The following RAG1 variants were observed in gnomAD, a reference collection of about 807,000 sequenced individuals.
The protein encoded by RAG1 is recombination activating 1.
In RAG1, 35 loss-of-function variants were observed where a neutral mutation model predicts 62.7. The observed-to-expected ratio is 0.56, with a 90% confidence interval of 0.43 to 0.74. RAG1 has a LOEUF of 0.74. Ranked by LOEUF, RAG1 falls within the 30% of genes least tolerant of loss-of-function variation. RAG1 has a pLI of 0.00. For missense variants in RAG1, 1,169 were observed against 1,278.6 expected (o/e 0.91, Z 1.31); for synonymous variants, 461 against 470.3 (o/e 0.98, Z 0.26).
intron 1 of RAG1, among the ~76,000 whole-genome samples, chr11:36,515,753 C>T (rs1281214151): frequency 6.6e-6 from 1 of 152,136 alleles, no homozygotes; most frequent in Admixed American, 6.6e-5. Context: ...TTTGGAGATG[C>T]ACCTTTGGTT....
rs368279695 is a variant in RAG1, at chr11:36,574,080, G to A, written c.776G>A (p.Ser259Asn). 3.1e-6 allele frequency: 5 copies of A among 1,614,180 alleles called. No homozygotes were observed. In the South Asian group the frequency reaches 5.5e-5, roughly 18 times the overall value. ...HKRRAQARIS[S>N]KDVMKKIANC... ...AGAAGAGCTCAGGCAAGGATCAGCA[G>A]CAAGGATGTCATGAAGAAGATCGCC... Residue 259 changes from serine to asparagine, a missense_variant, in exon 2 of 2, where the codon AGC becomes AAC. Physicochemically the swap from Ser to Asn is conservative, Grantham distance 46. Transcript: ENST00000299440.
rs1274802012 is a variant in RAG1 at position 36,579,180 on chromosome 11, G to A, written c.*2744G>A. Reference sequence around the variant, plus strand: ...GAAGAAGATAAAGATTTTTTTGGTTGAGAGTGTGGGTCTTGCATTACATCA... The same window carrying A: ...GAAGAAGATAAAGATTTTTTTGGTTAAGAGTGTGGGTCTTGCATTACATCA... On this transcript the variant is annotated 3_prime_UTR_variant, in exon 2 of 2. Coordinates refer to ENST00000299440, the MANE Select transcript of RAG1 (RefSeq NM_000448.3). 1 of 167,028 alleles carries A rather than the reference G, an allele frequency of 6.0e-6. No homozygotes were observed. Among genetic ancestry groups the A allele is most frequent in the African/African-American group, 2.4e-5 (1 of 41,444 alleles). 10.3% of individuals were successfully genotyped at this position (167,028 alleles called of 1,614,324 possible).
intron 3 of RAG1, among the ~76,000 whole-genome samples, chr11:36,558,477 C>T (rs1564983811): frequency 6.6e-6 from 1 of 152,130 alleles, no homozygotes; most frequent in South Asian, 2.1e-4. Context: ...AATTCACAAT[C>T]GTTGTATCCT....
rs767625701 is a variant in RAG1, at chr11:36,547,175, G to A, written c.-412+11141G>A. On this transcript the variant is annotated intron_variant and NMD_transcript_variant, in intron 3 of 9. Transcript: ENST00000534663. ...ACACTAAATGCCCACAGGAGAAAGT[G>A]GGGAAGATCTAAAATCGACACCCTA... Among the ~76,000 whole-genome samples, 8 of 151,984 alleles carry A rather than the reference G, an allele frequency of 5.3e-5. No homozygotes were observed. In the East Asian group the frequency reaches 5.8e-4, roughly 11 times the overall value.
chr11:36,546,964 A>G (rs1850403409), intron 3 of RAG1, among the ~76,000 whole-genome samples: 1 of 150,824 alleles, frequency 6.6e-6, no homozygotes, highest in Non-Finnish European at 1.5e-5. Context: ...GGGTAATCCG[A>G]CCTCTATCTC....
At chr11:36,534,437 C>G (rs981363598) in intron 2 of RAG1, among the ~76,000 whole-genome samples, 1 of 152,194 alleles carries the variant, frequency 6.6e-6, no homozygotes, top group Admixed American at 6.5e-5. Context: ...CTGTCCTGCC[C>G]CCTTGGAGTT....
chr11:36,526,760 T>C (rs1039633105), intron 2 of RAG1, among the ~76,000 whole-genome samples: 1 of 152,232 alleles, frequency 6.6e-6, no homozygotes, highest in African/African-American at 2.4e-5. Flanking sequence ...CCTGACTTTT[T>C]AATGATTGCC....
intron 2 of RAG1, among the ~76,000 whole-genome samples, chr11:36,528,063 C>T (rs1419344756): frequency 6.6e-6 from 1 of 152,062 alleles, no homozygotes; most frequent in African/African-American, 2.4e-5. Context: ...CTTTAACACC[C>T]ACTGTCAATA....
exon 1 of RAG1, chr11:36,510,869 A>G (rs1203813903): frequency 6.6e-6 from 1 of 152,198 alleles, no homozygotes; most frequent in Non-Finnish European, 1.5e-5. Context: ...TAGAGAATGT[A>G]CCACGCGTTT....
chr11:36,530,853 T>C (rs1211578169), intron 2 of RAG1, among the ~76,000 whole-genome samples: 1 of 152,028 alleles, frequency 6.6e-6, no homozygotes, highest in Non-Finnish European at 1.5e-5. Context: ...TGAGTTCTTA[T>C]ATCCTTGCCA....
intron 3 of RAG1, among the ~76,000 whole-genome samples, chr11:36,544,331 T>G (rs1160416170): frequency 6.6e-6 from 1 of 152,168 alleles, no homozygotes; most frequent in African/African-American, 2.4e-5. Flanking sequence ...GAGGCAGAGA[T>G]TGGAGTGGTG....
At chr11:36,520,479 T>C (rs926743785) in intron 2 of RAG1, among the ~76,000 whole-genome samples, 4 of 152,116 alleles carry the variant, frequency 2.6e-5, no homozygotes, top group Non-Finnish European at 5.9e-5. Flanking sequence ...GGTTTCCCCA[T>C]GTTGGCCAGC....
At chr11:36,522,195 G>C (rs1022784467) in intron 2 of RAG1, among the ~76,000 whole-genome samples, 1 of 152,156 alleles carries the variant, frequency 6.6e-6, no homozygotes, top group African/African-American at 2.4e-5. Flanking sequence ...AGAGGCCTTC[G>C]CAGCAGCCCC....
intron 3 of RAG1, among the ~76,000 whole-genome samples, chr11:36,557,842 T>C (rs1430772173): frequency 6.6e-6 from 1 of 152,216 alleles, no homozygotes; most frequent in Non-Finnish European, 1.5e-5. Context: ...CATTTTGTCT[T>C]TTTAATATGA....
chr11:36,572,819 CT>C (rs778706054), intron 1 of RAG1, among the ~76,000 whole-genome samples: 5 of 152,184 alleles, frequency 3.3e-5, no homozygotes, highest in Non-Finnish European at 2.9e-5. Flanking sequence ...AACCAACCCC[CT>C]GGAAGACTGC....
downstream of RAG1, among the ~76,000 whole-genome samples, chr11:36,537,805 A>G (rs2133261478): frequency 6.6e-6 from 1 of 152,250 alleles, no homozygotes; most frequent in East Asian, 1.9e-4. Context: ...CTTTGGGGGA[A>G]CACCCACCAT....
upstream of RAG1, among the ~76,000 whole-genome samples, chr11:36,565,506 C>T (rs772339386): frequency 6.6e-6 from 1 of 152,134 alleles, no homozygotes; most frequent in African/African-American, 2.4e-5. Context: ...GGGAGGTCTG[C>T]GCTCAAGGCT....
intron 1 of RAG1, among the ~76,000 whole-genome samples, chr11:36,511,668 A>T (rs1859924751): frequency 6.6e-6 from 1 of 152,204 alleles, no homozygotes; most frequent in African/African-American, 2.4e-5. Flanking sequence ...GAGCACAAAC[A>T]TCTGTGTGCT....
chr11:36,518,589 C>T (rs2133692997), intron 1 of RAG1, among the ~76,000 whole-genome samples: 1 of 152,260 alleles, frequency 6.6e-6, no homozygotes, highest in Middle Eastern at 3.4e-3. Context: ...CTCTGATGGC[C>T]AGTGATGATG....
Sources: allele counts gnomAD v4.1 joint callset (sites outside exome capture counted in the v4.1 genomes callset), GRCh38; gene constraint gnomAD v4.1.1; transcripts MANE v1.5; gene names NCBI Gene and HGNC (gene_info 2026-07-23, HGNC 2026-07-21).